Variants in ACTB observed in about 807,000 individuals in gnomAD.
ACTB encodes actin, cytoplasmic 1.
A neutral mutation model predicts 30.5 loss-of-function variants in ACTB; 2 were observed. That is an observed-to-expected ratio of 0.07 (90% CI 0.03 to 0.21). ACTB has a LOEUF of 0.21. Ranked by LOEUF, ACTB falls within the 10% of genes least tolerant of loss-of-function variation. The pLI is 1.00. For synonymous variants in ACTB, 335 were observed against 217.6 expected, an observed-to-expected ratio of 1.54 and a Z score of -4.75; for missense variants, 56 against 530.0, an observed-to-expected ratio of 0.11 and a Z score of 8.78.
rs1784809632 is a variant in ACTB at position 5,528,342 on chromosome 7, G to A, written c.741C>T (p.Val247=). The A allele has an allele frequency of 6.2e-6, 10 of 1,614,060 alleles. No homozygotes were observed. Among genetic ancestry groups the A allele is most frequent in the African/African-American group, 1.3e-5 (1 of 74,946 alleles). The stretch of plus-strand genomic sequence containing the variant: ...GGAACCGCTCATTGCCAATGGTGAT[G>A]ACCTGGCCGTCAGGCAGCTCGTAGC... ...EKSYELPDGQ[V]ITIGNERFRC... is the part of the protein sequence containing the mutation. The change falls in exon 4 of 6, where the codon GTC becomes GTT. Residue 247 remains valine, a synonymous_variant. Transcript: ENST00000646664.
In ACTB at chr7:5,528,426, G is replaced by T. The variant is rs143046775; in HGVS notation, c.657C>A (p.Val219=). The change falls in exon 4 of 6, where the codon GTC becomes GTA. Residue 219 remains valine, a synonymous_variant. Transcript: ENST00000646664. ...CCATCTCTTGCTCGAAGTCCAGGGC[G>T]ACGTAGCACAGCTTCTCCTTAATGT... is the stretch of plus-strand genomic sequence containing the variant. The part of the protein sequence containing the change: ...VRDIKEKLCY[V]ALDFEQEMAT... 2 of 1,614,098 alleles carry T rather than the reference G, an allele frequency of 1.2e-6. No homozygotes were observed. The highest frequency in any genetic ancestry group is 1.7e-5 in the Admixed American group (1 of 60,024).
Position 5,527,488 on chromosome 7 carries a change from C to T in ACTB, c.*260G>A, listed in dbSNP as rs11546906. The T allele has an allele frequency of 3.6e-3, 2,112 of 580,596 alleles. 44 individuals are homozygous for T. Among genetic ancestry groups the T allele is most frequent in the African/African-American group, 0.036 (1,926 of 53,258 alleles). 36.0% of individuals were successfully genotyped at this position (580,596 alleles called of 1,614,324 possible). A position where few individuals can be genotyped will look rare whatever the true frequency, so the allele number is the denominator to read the frequency against. ...AGGGACTTCCTGTAACAACGCATCT[C>T]ATATTTGGAATGACTATTAAAAAAA... On this transcript the variant is annotated 3_prime_UTR_variant, in exon 6 of 6. Transcript: ENST00000646664.
Position 5,527,940 on chromosome 7 carries a change from C to T in ACTB, c.985-49G>A, listed in dbSNP as rs376569032. The T allele has an allele frequency of 3.7e-6, 6 of 1,612,960 alleles. No homozygotes were observed. In the African/African-American group the frequency reaches 8.0e-5, roughly 22 times the overall value. On this transcript the variant is annotated intron_variant, in intron 5 of 5. Coordinates refer to ENST00000646664, the MANE Select transcript of ACTB (RefSeq NM_001101.5). ...GTGAGGACCCTGGATGTGACAGCTC[C>T]CCACACACCACAGGACCCCACAGCC...
intron 1 of ACTB, chr7:5,530,131 CA>C (rs1784858669): frequency 6.6e-6 from 1 of 152,538 alleles, no homozygotes; most frequent in Admixed American, 6.5e-5. Flanking sequence ...CGCCAATTCC[CA>C]GCGCGCACGC....
At chr7:5,528,787 C>A in intron 3 of ACTB, 68 bp from the exon 4 acceptor site, 1 of 1,568,938 alleles carries the variant, frequency 6.4e-7, no homozygotes, top group Non-Finnish European at 8.8e-7. Context: ...AGACGGGGGA[C>A]ATGCAGAAAG....
chr7:5,529,745 A>T, intron 1 of ACTB, 82 bp from the exon 2 acceptor site: 10 of 1,597,260 alleles, frequency 6.3e-6, no homozygotes, highest in South Asian at 1.1e-5. Context: ...TTAGGCCGCC[A>T]GGGGGCGCCG....
At chr7:5,529,480 G>C (rs1584263225) in intron 2 of ACTB, 55 bp downstream of exon 2, 2 of 1,612,822 alleles carry the variant, frequency 1.2e-6, no homozygotes, top group Admixed American at 1.7e-5. Context: ...TGCAGAGAAA[G>C]CGCCCTTGCC....
chr7:5,530,288 A>C, intron 1 of ACTB, among the ~76,000 whole-genome samples: 1 of 151,800 alleles, frequency 6.6e-6, no homozygotes, highest in African/African-American at 2.4e-5. Context: ...CCCCGCCCCG[A>C]GAGCGGCACC....
intron 4 of ACTB, 27 bp from the exon 5 acceptor site, chr7:5,528,212 A>G (rs1159152427): frequency 1.9e-6 from 3 of 1,613,878 alleles, no homozygotes; most frequent in Admixed American, 1.7e-5. Context: ...GGCAGGACTT[A>G]GCTTCCACAG....
At position 5,528,380 on chromosome 7, in the gene ACTB, A is replaced by T. The variant is rs1258613762; in HGVS notation, c.703T>A (p.Ser235Thr). 1 of 1,613,992 alleles carries T rather than the reference A, an allele frequency of 6.2e-7. No homozygotes were observed. Among genetic ancestry groups the T allele is most frequent in the Non-Finnish European group, 8.5e-7 (1 of 1,180,036 alleles). Residue 235 changes from serine to threonine, a missense_variant, in exon 4 of 6, where the codon TCC (serine) becomes ACC (threonine). Physicochemically the swap from Ser to Thr is moderately conservative, Grantham distance 58 (BLOSUM62 1). Transcript: ENST00000646664. Reference sequence around the variant, plus strand: ...GGCAGCTCGTAGCTCTTCTCCAGGGAGGAGCTGGAAGCAGCCGTGGCCATC... The same window carrying T: ...GGCAGCTCGTAGCTCTTCTCCAGGGTGGAGCTGGAAGCAGCCGTGGCCATC... ...QEMATAASSS[S>T]LEKSYELPDG... is the part of the protein sequence containing the mutation.
At chr7:5,528,877 A>G (rs1784820902) in intron 3 of ACTB, 158 bp from the exon 4 acceptor site, 2 of 1,391,206 alleles carry the variant, frequency 1.4e-6, no homozygotes, top group South Asian at 1.2e-5. Context: ...CTTAATACAC[A>G]CTCCAAGGCC....
At chr7:5,528,789 T>C (rs1784818769) in intron 3 of ACTB, 70 bp from the exon 4 acceptor site, 1 of 1,556,162 alleles carries the variant, frequency 6.4e-7, no homozygotes, top group African/African-American at 1.4e-5. Flanking sequence ...ACGGGGGACA[T>C]GCAGAAAGTG....
At chr7:5,529,120 A>C in intron 3 of ACTB, 41 bp downstream of exon 3, 1 of 1,613,614 alleles carries the variant, frequency 6.2e-7, no homozygotes, top group Non-Finnish European at 8.5e-7. Flanking sequence ...GAGGCCAGGA[A>C]GGAGGGAGGC....
intron 3 of ACTB, 155 bp from the exon 4 acceptor site, chr7:5,528,874 C>T (rs1168225592): frequency 9.3e-6 from 13 of 1,396,710 alleles, no homozygotes; most frequent in African/African-American, 1.4e-5. Flanking sequence ...CTACTTAATA[C>T]ACACTCCAAG....
intron 3 of ACTB, 177 bp from the exon 4 acceptor site, chr7:5,528,896 C>T: frequency 1.4e-6 from 2 of 1,424,872 alleles, no homozygotes; most frequent in South Asian, 2.5e-5. Flanking sequence ...CCGCTTTACA[C>T]CAGCCTCATG....
chr7:5,528,487 C>T lies in ACTB; in HGVS notation c.596G>A (p.Ser199Asn). The T allele has an allele frequency of 6.2e-7, 1 of 1,614,078 alleles. No homozygotes were observed. Among genetic ancestry groups the T allele is most frequent in the Non-Finnish European group, 8.5e-7 (1 of 1,180,038 alleles). Residue 199 changes from serine to asparagine, a missense_variant, in exon 4 of 6, where the codon AGC becomes AAC. By Grantham distance (46) the Ser-to-Asn change is conservative. Transcript: ENST00000646664. ...TTCCCGCTCGGCCGTGGTGGTGAAG[C>T]TGTAGCCGCGCTCGGTGAGGATCTT... ...LMKILTERGY[S>N]FTTTAEREIV... is the part of the protein sequence containing the mutation.
At chr7:5,529,432 C>T (rs762891443) in intron 2 of ACTB, 32 bp from the exon 3 acceptor site, 1 of 1,613,576 alleles carries the variant, frequency 6.2e-7, no homozygotes, top group South Asian at 1.1e-5. Context: ...GCCCTGAGCA[C>T]GGGCGCAGCC....
At chr7:5,528,918 C>G (rs1001654212) in intron 3 of ACTB, 199 bp from the exon 4 acceptor site, 53 of 1,468,754 alleles carry the variant, frequency 3.6e-5, no homozygotes, top group Non-Finnish European at 4.6e-5. Flanking sequence ...CCTTGTCACA[C>G]GAGCCAGTGT....
intron 3 of ACTB, 186 bp downstream of exon 3, chr7:5,528,975 C>A (rs1784823526): frequency 6.4e-7 from 1 of 1,571,966 alleles, no homozygotes; most frequent in Non-Finnish European, 8.6e-7. Context: ...GTCAGAGAGA[C>A]AAACACCAGA....
Sources: allele counts gnomAD v4.1 joint callset (sites outside exome capture counted in the v4.1 genomes callset), GRCh38; gene constraint gnomAD v4.1.1; transcripts MANE v1.5; gene names NCBI Gene and HGNC (gene_info 2026-07-23, HGNC 2026-07-21).